Variants in ARHGEF3 observed in about 807,000 individuals in gnomAD.
ARHGEF3 encodes the protein 59.8 kDA protein.
ARHGEF3 carries 28 observed loss-of-function variants against 63.2 expected under a neutral mutation model. That is an observed-to-expected ratio of 0.44 (90% CI 0.33 to 0.61). The LOEUF (loss-of-function observed/expected upper bound fraction) is 0.61, where lower values mean the gene tolerates loss of function less well. Ranked by LOEUF, ARHGEF3 falls within the 20% of genes least tolerant of loss-of-function variation. The probability of loss-of-function intolerance (pLI) is 0.03; values close to 1 mark genes in which losing one functional copy is unlikely to be tolerated. For synonymous variants in ARHGEF3, 266 were observed against 254.2 expected (o/e 1.05, Z -0.44); for missense variants, 533 against 659.3 (o/e 0.81, Z 2.10).
chr3:56,794,781 C>T lies in ARHGEF3; in HGVS notation c.96+6922G>A, dbSNP rs192094177. Among the ~76,000 whole-genome samples the T allele has an allele frequency of 9.2e-5, 14 of 152,182 alleles. No homozygotes were observed. In the East Asian group the frequency reaches 1.5e-3, roughly 17 times the overall value. On this transcript the variant is annotated intron_variant, in intron 1 of 9. Coordinates refer to ENST00000296315, the MANE Select transcript of ARHGEF3 (RefSeq NM_019555.3). ...TATCCAATACAATGTAAGTGATAAT[C>T]GTTGTTATCCTGTATTGTTTTTTAT...
intron 1 of ARHGEF3, among the ~76,000 whole-genome samples, chr3:57,069,664 G>A (rs1277186701): frequency 6.6e-6 from 1 of 150,482 alleles, no homozygotes. Flanking sequence ...TTTTTCTTTT[G>A]AGACAGGGTC....
intron 2 of ARHGEF3, chr3:56,977,346 A>C: frequency 4.4e-6 from 2 of 456,418 alleles, no homozygotes; most frequent in Non-Finnish European, 8.8e-6. Context: ...TGGGCCCCTC[A>C]CTAACTCTCA....
At chr3:57,002,443 C>A (rs1387284429) in intron 2 of ARHGEF3, among the ~76,000 whole-genome samples, 2 of 17,198 alleles carry the variant, frequency 1.2e-4, no homozygotes, top group African/African-American at 2.8e-4. Context: ...TATATATATG[C>A]CAGGCACTGT....
At chr3:56,821,536 A>G (rs1369180912) in intron 4 of ARHGEF3, among the ~76,000 whole-genome samples, 1 of 152,220 alleles carries the variant, frequency 6.6e-6, no homozygotes, top group African/African-American at 2.4e-5. Context: ...CATTGAGGTT[A>G]TAAGTGAAAA....
At chr3:56,988,069 C>T (rs1166182536) in intron 2 of ARHGEF3, among the ~76,000 whole-genome samples, 3 of 152,142 alleles carry the variant, frequency 2.0e-5, no homozygotes, top group Non-Finnish European at 4.4e-5. Flanking sequence ...CCTCACAAAA[C>T]CTCAGAAGTT....
chr3:57,015,916 G>A (rs1046621937), intron 2 of ARHGEF3, among the ~76,000 whole-genome samples: 2 of 152,052 alleles, frequency 1.3e-5, no homozygotes, highest in African/African-American at 4.8e-5. Context: ...AGCAGCACTG[G>A]CAATGATGAA....
chr3:56,737,038 T>C, intron 8 of ARHGEF3, 147 bp downstream of exon 8: 2 of 910,430 alleles, frequency 2.2e-6, no homozygotes, highest in Non-Finnish European at 3.1e-6. Context: ...GAGGTTGCAG[T>C]GAGCCAGCCT....
rs571509607 is a variant in ARHGEF3, at chr3:56,951,275, TA to T, written c.129+7547del. Among the ~76,000 whole-genome samples, 324 of 127,700 alleles carry T rather than the reference TA, an allele frequency of 2.5e-3. 3 individuals are homozygous for T. Among genetic ancestry groups the T allele is most frequent in the East Asian group, 0.011 (51 of 4,630 alleles). The allele number at this position is 127,700 out of a possible 152,430, so 83.8% of individuals were successfully genotyped here. ...CACATGTACCCTAAAACTTAAAGTA[TA>T]AAAAAAAAAAGAAAGGAAAGAAAAA... On this transcript the variant is annotated intron_variant, in intron 3 of 12. Transcript: ENST00000338458.
At chr3:56,775,818 A>C in intron 1 of ARHGEF3, 1 of 327,810 alleles carries the variant, frequency 3.1e-6, no homozygotes, top group Non-Finnish European at 4.4e-6. Context: ...ACACACACAC[A>C]CACTGCCTCT....
At chr3:56,795,831 G>A (rs2037331342) in intron 1 of ARHGEF3, among the ~76,000 whole-genome samples, 1 of 151,856 alleles carries the variant, frequency 6.6e-6, no homozygotes, top group African/African-American at 2.4e-5. Flanking sequence ...TAGTAGAGAT[G>A]GGGTTTCACC....
At chr3:56,807,526 G>A (rs953043545) in intron 4 of ARHGEF3, among the ~76,000 whole-genome samples, 25 of 152,142 alleles carry the variant, frequency 1.6e-4, no homozygotes, top group Admixed American at 3.3e-4. Flanking sequence ...CTGCTAAAGT[G>A]GCATGGATGT....
chr3:56,825,897 T>C (rs1451114047), intron 4 of ARHGEF3, among the ~76,000 whole-genome samples: 1 of 152,234 alleles, frequency 6.6e-6, no homozygotes, highest in Non-Finnish European at 1.5e-5. Flanking sequence ...GGACTGAGCC[T>C]GCTATCAGTT....
intron 3 of ARHGEF3, among the ~76,000 whole-genome samples, chr3:56,928,575 A>G (rs1369584480): frequency 6.6e-6 from 1 of 152,162 alleles, no homozygotes; most frequent in African/African-American, 2.4e-5. Context: ...GCAGACAACA[A>G]TTTGCATTCC....
At chr3:56,751,539 G>A in intron 4 of ARHGEF3, 143 bp from the exon 5 acceptor site, 1 of 676,332 alleles carries the variant, frequency 1.5e-6, no homozygotes, top group Admixed American at 2.4e-5. Flanking sequence ...TGCAGAAACA[G>A]CAGAGAGGTG....
chr3:57,073,729 T>C, intron 1 of ARHGEF3: 1 of 1,614,172 alleles, frequency 6.2e-7, no homozygotes, highest in Non-Finnish European at 8.5e-7. Context: ...GGGTCCACCT[T>C]AGAAAAGTCA....
At chr3:56,934,084 C>G (rs541966817) in intron 3 of ARHGEF3, among the ~76,000 whole-genome samples, 1 of 152,176 alleles carries the variant, frequency 6.6e-6, no homozygotes, top group African/African-American at 2.4e-5. Flanking sequence ...TCAGTTAAAC[C>G]TCTTTTCTTT....
intron 4 of ARHGEF3, among the ~76,000 whole-genome samples, chr3:56,877,897 AC>A (rs1412161822): frequency 6.6e-6 from 1 of 152,100 alleles, no homozygotes; most frequent in Non-Finnish European, 1.5e-5. Context: ...TTATCTTTAT[AC>A]CATTTGTATG....
At chr3:56,808,114 ACT>A (rs1196510408) in intron 4 of ARHGEF3, among the ~76,000 whole-genome samples, 2 of 141,648 alleles carry the variant, frequency 1.4e-5, no homozygotes, top group African/African-American at 5.5e-5. Context: ...ACAAAGTTAG[ACT>A]CTGTCTCAAA....
At chr3:56,906,149 A>C (rs147138155) in intron 3 of ARHGEF3, among the ~76,000 whole-genome samples, 108 of 152,164 alleles carry the variant, frequency 7.1e-4, no homozygotes, top group African/African-American at 2.5e-3. Flanking sequence ...AGGTGTGAGC[A>C]ACCGCGCCCA....
Sources: allele counts gnomAD v4.1 joint callset (sites outside exome capture counted in the v4.1 genomes callset), GRCh38; gene constraint gnomAD v4.1.1; transcripts MANE v1.5; gene names NCBI Gene and HGNC (gene_info 2026-07-23, HGNC 2026-07-21).